POTEF: variants seen among roughly 807,000 people sequenced by gnomAD.
POTEF encodes POTE ankyrin domain family member F.
POTEF carries 20 observed loss-of-function variants against 83.2 expected under a neutral mutation model. That is an observed-to-expected ratio of 0.24 (90% CI 0.17 to 0.35). The LOEUF (loss-of-function observed/expected upper bound fraction) is 0.35. Among genes scored for constraint, POTEF ranks in the 10% least tolerant of loss-of-function variants. The pLI is 1.00. For missense variants in POTEF, 550 were observed against 1,203.2 expected (o/e 0.46, Z 8.03); for synonymous variants, 196 against 446.4 (o/e 0.44, Z 7.07).
intron 7 of POTEF, chr2:130,109,316 C>T (rs1472251621): frequency 7.1e-6 from 1 of 140,492 alleles, no homozygotes; most frequent in East Asian, 2.0e-4. Context: ...AGCACAAAGC[C>T]CTACTTTTAC....
At chr2:130,077,410 C>A (rs1333462936) in intron 15 of POTEF, among the ~76,000 whole-genome samples, 1 of 152,244 alleles carries the variant, frequency 6.6e-6, no homozygotes, top group African/African-American at 2.4e-5. Context: ...TTCCAGGAAC[C>A]TGAGGTGGGG....
At chr2:130,128,689 C>T (rs867146090) in intron 1 of POTEF, among the ~76,000 whole-genome samples, 188 of 151,792 alleles carry the variant, frequency 1.2e-3, no homozygotes, top group Middle Eastern at 3.4e-3. Context: ...CTCCTGATAG[C>T]GCACCCTGAG....
At chr2:130,105,750 A>C (rs1684507176) in intron 8 of POTEF, among the ~76,000 whole-genome samples, 1 of 147,966 alleles carries the variant, frequency 6.8e-6, no homozygotes, top group Non-Finnish European at 1.5e-5. Context: ...CTCAAATTTA[A>C]TCTTGTGACT....
At chr2:130,077,606 T>A (rs1245749743) in intron 15 of POTEF, among the ~76,000 whole-genome samples, 1 of 126,094 alleles carries the variant, frequency 7.9e-6, no homozygotes, top group Non-Finnish European at 1.6e-5. Flanking sequence ...CAGAAAGGCA[T>A]TCGATTCTCA....
At chr2:130,110,754 T>A in intron 6 of POTEF, 74 bp from the exon 7 acceptor site, 10 of 746,252 alleles carry the variant, frequency 1.3e-5, no homozygotes, top group Non-Finnish European at 1.9e-5. Flanking sequence ...CAATGTAACA[T>A]CTTGCCTGTC....
At chr2:130,114,594 C>A (rs1188548653) in intron 5 of POTEF, among the ~76,000 whole-genome samples, 11 of 146,980 alleles carry the variant, frequency 7.5e-5, no homozygotes, top group African/African-American at 2.5e-5. Flanking sequence ...AGGGAAAAAA[C>A]ATCCTAGGAG....
chr2:130,104,885 A>C (rs559055195), intron 8 of POTEF, among the ~76,000 whole-genome samples: 2 of 151,430 alleles, frequency 1.3e-5, no homozygotes, highest in Admixed American at 6.6e-5. Context: ...AACTAGTAGG[A>C]TGCGAGTTAT....
At chr2:130,127,435 G>T (rs552277374) in intron 2 of POTEF, among the ~76,000 whole-genome samples, 4,413 of 147,834 alleles carry the variant, frequency 0.03, 221 homozygotes, top group African/African-American at 0.098. Flanking sequence ...TCAGAAGGAG[G>T]CCACCCTCCA....
chr2:130,128,868 TC>T (rs1398310519), intron 1 of POTEF, among the ~76,000 whole-genome samples: 4 of 73,612 alleles, frequency 5.4e-5, no homozygotes, highest in East Asian at 4.4e-4. Context: ...ACAACCTGCC[TC>T]CCCCCCATCA....
In POTEF at chr2:130,127,810, T is replaced by TCTCCTC. The variant is rs1356089301; in HGVS notation, c.-201_-196dup. ...CTCCAGCGTACCACAGGTGATTCCT[T>TCTCCTC]CTCCTCCTCCTCCAGCCTGGCTTGG... is the stretch of plus-strand genomic sequence containing the variant. On this transcript the variant is annotated 5_prime_UTR_variant, in exon 2 of 17. Coordinates refer to ENST00000409914, the MANE Select transcript of POTEF (RefSeq NM_001099771.2). The TCTCCTC allele has an allele frequency of 6.7e-6, 1 of 149,046 alleles. No homozygotes were observed. Among genetic ancestry groups the TCTCCTC allele is most frequent in the East Asian group, 2.0e-4 (1 of 5,074 alleles). 9.2% of individuals were successfully genotyped at this position (149,046 alleles called of 1,614,324 possible).
At chr2:130,108,888 C>G (rs1684623844) in intron 7 of POTEF, among the ~76,000 whole-genome samples, 3 of 150,958 alleles carry the variant, frequency 2.0e-5, no homozygotes, top group Middle Eastern at 3.4e-3. Flanking sequence ...CAGTAGATGT[C>G]TGTTAGGATA....
At chr2:130,108,139 C>G in intron 7 of POTEF, 60 bp from the exon 8 acceptor site, 1 of 1,513,974 alleles carries the variant, frequency 6.6e-7, no homozygotes. Context: ...AAAAAACTTA[C>G]CAAATGTAGA....
At chr2:130,110,430 C>T (rs1340156843) in intron 7 of POTEF, 113 bp downstream of exon 7, 36 of 1,584,300 alleles carry the variant, frequency 2.3e-5, no homozygotes, top group Admixed American at 8.7e-5. Flanking sequence ...CACTGCCACG[C>T]GAAAACTACC....
intron 8 of POTEF, among the ~76,000 whole-genome samples, chr2:130,104,221 T>C (rs1684451351): frequency 6.8e-6 from 1 of 147,410 alleles, no homozygotes. Context: ...CACTTAATAC[T>C]TGGTTTGGGA....
chr2:130,117,603 T>C (rs537302470), intron 3 of POTEF, among the ~76,000 whole-genome samples: 1 of 152,148 alleles, frequency 6.6e-6, no homozygotes, highest in African/African-American at 2.4e-5. Context: ...CATCTTTGCA[T>C]GTCGACATAT....
In POTEF at chr2:130,083,283, C is replaced by T. The variant is rs1341996436; in HGVS notation, c.1778+2531G>A. ...TCATGAGGCAGAGGTTGCAATGAGCCAAGATCATGCCACTGAACTCCAGCC... is the reference window on the plus strand; with the variant it reads ...TCATGAGGCAGAGGTTGCAATGAGCTAAGATCATGCCACTGAACTCCAGCC... On this transcript the variant is annotated intron_variant, in intron 15 of 16. Coordinates refer to ENST00000409914, the MANE Select transcript of POTEF (RefSeq NM_001099771.2). 2.4e-4 allele frequency among the ~76,000 whole-genome samples: 36 copies of T among 151,962 alleles called. No homozygotes were observed. In the East Asian group the frequency reaches 6.6e-3, roughly 28 times the overall value.
At position 130,098,683 on chromosome 2, in the gene POTEF, A is replaced by G. The variant is rs1684315579; in HGVS notation, c.1409+787T>C. Among the ~76,000 whole-genome samples, 4 of 138,090 alleles carry G rather than the reference A, an allele frequency of 2.9e-5. No homozygotes were observed. The South Asian group carries it at 1.0e-3, about 35-fold the overall frequency. The allele number at this position is 138,090 out of a possible 152,430, so 90.6% of individuals were successfully genotyped here. A position where few individuals can be genotyped will look rare whatever the true frequency, so the allele number is the denominator to read the frequency against. On this transcript the variant is annotated intron_variant, in intron 11 of 16. Transcript: ENST00000409914. ...AGCTATTTCCTATTGGTAATGATTT[A>G]CTTTTGATAATGATAATTTCCTATT...
chr2:130,102,641 CA>C (rs1684405315), intron 8 of POTEF, among the ~76,000 whole-genome samples: 1 of 148,872 alleles, frequency 6.7e-6, no homozygotes, highest in South Asian at 2.1e-4. Flanking sequence ...GTATGGGCTC[CA>C]GACATCCCAG....
intron 8 of POTEF, among the ~76,000 whole-genome samples, chr2:130,107,178 T>C (rs1302704651): frequency 6.9e-6 from 1 of 144,566 alleles, no homozygotes; most frequent in Admixed American, 7.0e-5. Flanking sequence ...GCAATTTGTA[T>C]ATTTATTATG....
Sources: allele counts gnomAD v4.1 joint callset (sites outside exome capture counted in the v4.1 genomes callset), GRCh38; gene constraint gnomAD v4.1.1; transcripts MANE v1.5; gene names NCBI Gene and HGNC (gene_info 2026-07-23, HGNC 2026-07-21).